CABLES1: variants seen among roughly 807,000 people sequenced by gnomAD.
The protein encoded by CABLES1 is Cdk5 and Abl enzyme substrate 1.
Under a neutral mutation model 57.8 loss-of-function variants are expected in CABLES1, and 36 were observed. The observed-to-expected ratio is 0.62, with a 90% confidence interval of 0.48 to 0.82. The LOEUF is 0.82. Ranked by LOEUF, CABLES1 falls within the 40% of genes least tolerant of loss-of-function variation. The pLI is 0.00. For synonymous variants in CABLES1, 374 were observed against 363.0 expected, an observed-to-expected ratio of 1.03 and a Z score of -0.35; for missense variants, 767 against 836.6, an observed-to-expected ratio of 0.92 and a Z score of 1.03.
chr18:23,232,913 C>A (rs1325910081), intron 4 of CABLES1, among the ~76,000 whole-genome samples: 1 of 152,020 alleles, frequency 6.6e-6, no homozygotes, highest in African/African-American at 2.4e-5. Flanking sequence ...TTTCCCTTCT[C>A]TTCTCACCAC....
At chr18:23,175,896 A>G (rs1467153636) in intron 1 of CABLES1, among the ~76,000 whole-genome samples, 1 of 152,228 alleles carries the variant, frequency 6.6e-6, no homozygotes, top group Non-Finnish European at 1.5e-5. Flanking sequence ...AGACATAGTT[A>G]TTTGTCCTCA....
chr18:23,257,930 C>G lies in CABLES1; in HGVS notation c.*563C>G, dbSNP rs1031314249. Reference sequence around the variant, plus strand: ...TCAGCCCTAGACCCCCAGAGCCAGTCCCGCCCTTTACAGAGCAGCCCTTAG... The same window carrying G: ...TCAGCCCTAGACCCCCAGAGCCAGTGCCGCCCTTTACAGAGCAGCCCTTAG... On this transcript the variant is annotated 3_prime_UTR_variant, in exon 10 of 10. Transcript: ENST00000256925. 2 of 152,260 alleles carry G rather than the reference C, an allele frequency of 1.3e-5. No individual in the cohort carries two copies. Among genetic ancestry groups the G allele is most frequent in the African/African-American group, 2.4e-5 (1 of 41,458 alleles). 9.4% of individuals were successfully genotyped at this position (152,260 alleles called of 1,614,324 possible). A position where few individuals can be genotyped will look rare whatever the true frequency, so the allele number is the denominator to read the frequency against.
chr18:23,212,488 A>G (rs1000149411), intron 3 of CABLES1, among the ~76,000 whole-genome samples: 1 of 152,154 alleles, frequency 6.6e-6, no homozygotes, highest in African/African-American at 2.4e-5. Context: ...ATGAACTGCT[A>G]TGGAATTGAC....
rs1261496807 is a variant in CABLES1 at position 23,235,885 on chromosome 18, C to T, written c.1186-10C>T. On this transcript the variant is annotated splice_polypyrimidine_tract_variant and intron_variant, in intron 5 of 9. Coordinates refer to ENST00000256925, the MANE Select transcript of CABLES1 (RefSeq NM_001100619.3). ...ATAATCACTGGCCTGTTTTTGTCTT[C>T]ACCTTTTAGACTGTTTCCTATACCC... The T allele has an allele frequency of 6.2e-7, 1 of 1,613,040 alleles. No individual in the cohort carries two copies. Among genetic ancestry groups the T allele is most frequent in the Non-Finnish European group, 8.5e-7 (1 of 1,179,428 alleles).
At chr18:23,245,996 G>A (rs1253969197) in intron 7 of CABLES1, among the ~76,000 whole-genome samples, 2 of 152,174 alleles carry the variant, frequency 1.3e-5, no homozygotes, top group Admixed American at 6.5e-5. Context: ...GGCCGGGCAC[G>A]GTGGCTCACG....
At chr18:23,143,728 C>G (rs2046872913) in intron 1 of CABLES1, among the ~76,000 whole-genome samples, 1 of 152,102 alleles carries the variant, frequency 6.6e-6, no homozygotes, top group African/African-American at 2.4e-5. Context: ...GTCCCCTTGG[C>G]CCCTTCCTGC....
intron 1 of CABLES1, among the ~76,000 whole-genome samples, chr18:23,158,235 A>G (rs963142401): frequency 6.6e-6 from 1 of 152,018 alleles, no homozygotes. Flanking sequence ...CTGGCAGGTC[A>G]AGGCTACAGT....
intron 1 of CABLES1, among the ~76,000 whole-genome samples, chr18:23,166,062 A>G (rs944436584): frequency 6.6e-6 from 1 of 152,192 alleles, no homozygotes; most frequent in Admixed American, 6.5e-5. Flanking sequence ...GCAAGTAGTC[A>G]TCTTATTAAT....
chr18:23,146,086 G>T (rs1311589864), intron 1 of CABLES1, among the ~76,000 whole-genome samples: 1 of 152,226 alleles, frequency 6.6e-6, no homozygotes, highest in Non-Finnish European at 1.5e-5. Context: ...ATGTTTATGT[G>T]CCTAGCACGT....
intron 9 of CABLES1, 33 bp from the exon 10 acceptor site, chr18:23,257,194 A>G (rs778732296): frequency 1.2e-6 from 2 of 1,606,686 alleles, no homozygotes; most frequent in Non-Finnish European, 1.7e-6. Context: ...TAATTTCAAA[A>G]TGAACATGCT....
chr18:23,216,810 G>A (rs1344132940), intron 4 of CABLES1, among the ~76,000 whole-genome samples: 1 of 152,172 alleles, frequency 6.6e-6, no homozygotes, highest in African/African-American at 2.4e-5. Context: ...GAAATGCTAG[G>A]TGGCAGCCAG....
chr18:23,174,551 A>G (rs2047106971), intron 1 of CABLES1, among the ~76,000 whole-genome samples: 1 of 151,526 alleles, frequency 6.6e-6, no homozygotes, highest in African/African-American at 2.4e-5. Context: ...AGTTCACTGC[A>G]AGCTCCACCT....
chr18:23,177,309 C>T (rs1224362150), intron 1 of CABLES1, among the ~76,000 whole-genome samples: 3 of 152,018 alleles, frequency 2.0e-5, no homozygotes, highest in South Asian at 4.1e-4. Flanking sequence ...GTAACTCTGG[C>T]CCCCTGCACC....
chr18:23,213,886 C>T, intron 3 of CABLES1, 91 bp from the exon 4 acceptor site: 1 of 790,910 alleles, frequency 1.3e-6, no homozygotes, highest in Admixed American at 2.3e-5. Context: ...GCTATGAATG[C>T]CATGAATGCT....
rs1484614867 is a variant in CABLES1, at chr18:23,231,364, G to A, written c.1089-3244G>A. ...CACTTAGTTGCCACACGTAACCATC[G>A]TATGGAACACGGTAGATAAGGACCA... On this transcript the variant is annotated intron_variant, in intron 4 of 9. Transcript: ENST00000256925. Among the ~76,000 whole-genome samples, 6 of 152,300 alleles carry A rather than the reference G, an allele frequency of 3.9e-5. No homozygotes were observed. In the South Asian group the frequency reaches 6.2e-4, roughly 16 times the overall value.
Position 23,136,270 on chromosome 18 carries a change from C to G in CABLES1, c.508C>G (p.Leu170Val). 3 of 1,359,352 alleles carry G rather than the reference C, an allele frequency of 2.2e-6. No individual in the cohort carries two copies. Among genetic ancestry groups the G allele is most frequent in the African/African-American group, 1.5e-5 (1 of 64,902 alleles). 84.2% of individuals were successfully genotyped at this position (1,359,352 alleles called of 1,614,324 possible). Reference sequence around the variant, plus strand: ...GGTGGCGCGGGGGTTCGCGAGTCCCCTGGGCGCCGGCCGGGCGTCGGGGGA... The same window carrying G: ...GGTGGCGCGGGGGTTCGCGAGTCCCGTGGGCGCCGGCCGGGCGTCGGGGGA... ...PGVARGFASP[L>V]GAGRASGEQW... is the part of the protein sequence containing the mutation. The change falls in exon 1 of 10, where the codon CTG becomes GTG. Residue 170 changes from leucine to valine, a missense_variant. This residue lies in a region of CABLES1 where 529 missense variants were observed against 622.8 expected (regional missense o/e 0.85). Coordinates refer to ENST00000256925, the MANE Select transcript of CABLES1 (RefSeq NM_001100619.3).
chr18:23,178,018 G>GCA (rs1166285647), intron 1 of CABLES1, among the ~76,000 whole-genome samples: 1 of 152,160 alleles, frequency 6.6e-6, no homozygotes, highest in East Asian at 1.9e-4. Flanking sequence ...TGCATAGGGC[G>GCA]CATTTCTGTC....
chr18:23,234,064 A>G (rs1366449385), intron 4 of CABLES1, among the ~76,000 whole-genome samples: 1 of 152,052 alleles, frequency 6.6e-6, no homozygotes, highest in Non-Finnish European at 1.5e-5. Flanking sequence ...TAAAAATACA[A>G]AAAATTAGCC....
At chr18:23,217,675 G>C (rs1247971363) in intron 4 of CABLES1, among the ~76,000 whole-genome samples, 1 of 152,172 alleles carries the variant, frequency 6.6e-6, no homozygotes, top group Non-Finnish European at 1.5e-5. Context: ...GTACTAGTAA[G>C]TATATGCTAG....
Sources: allele counts gnomAD v4.1 joint callset (sites outside exome capture counted in the v4.1 genomes callset), GRCh38; gene constraint gnomAD v4.1.1; regional missense constraint gnomAD v4.1.1; transcripts MANE v1.5; gene names NCBI Gene and HGNC (gene_info 2026-07-23, HGNC 2026-07-21).